RAD17: variants seen among roughly 807,000 people sequenced by gnomAD.
RAD17 encodes cell cycle checkpoint protein RAD17.
A neutral mutation model predicts 81.5 loss-of-function variants in RAD17; 31 were observed. The ratio of observed to expected loss-of-function variants is 0.38; its 90% confidence interval spans 0.29 to 0.51. The LOEUF is 0.51. Among genes scored for constraint, RAD17 ranks in the 20% least tolerant of loss-of-function variants. RAD17 has a pLI of 0.88. For missense variants in RAD17, 681 were observed against 781.2 expected (o/e 0.87, Z 1.53); for synonymous variants, 261 against 266.2 (o/e 0.98, Z 0.19).
chr5:69,393,620 T>TA, intron 15 of RAD17, 120 bp downstream of exon 15: 1 of 952,912 alleles, frequency 1.0e-6, no homozygotes, highest in Non-Finnish European at 1.5e-6. Flanking sequence ...TTCATAACTA[T>TA]GCTAAAGTTA....
chr5:69,370,014 C>G (rs1301027632), intron 1 of RAD17, 81 bp downstream of exon 1: 1 of 384,438 alleles, frequency 2.6e-6, no homozygotes, highest in Non-Finnish European at 4.7e-6. Context: ...CTTTCCTGGG[C>G]TCTCGTCGCT....
In RAD17 at chr5:69,396,516, C is replaced by T; in HGVS notation, c.1542C>T (p.His514=). The change falls in exon 16 of 19, where the codon CAC becomes CAT. Residue 514 remains histidine (H), a synonymous_variant. Transcript: ENST00000354868. The part of the protein sequence containing the change: ...QGGGSSFRPL[H]KPQWFLINKK... ...GAGGATCAAGTTTTCGACCCTTGCA[C>T]AAACCTCAGTGGTTTCTAATAAATA... 6.3e-7 allele frequency: 1 copy of T among 1,590,532 alleles called. No individual in the cohort carries two copies. The highest frequency in any genetic ancestry group is 1.4e-5 in the African/African-American group (1 of 69,914).
intron 17 of RAD17, 83 bp downstream of exon 17, chr5:69,400,252 C>G: frequency 1.1e-6 from 1 of 943,224 alleles, no homozygotes; most frequent in Non-Finnish European, 1.4e-6. Context: ...GGGGGAGTCT[C>G]TACTGTCCAG....
intron 17 of RAD17, among the ~76,000 whole-genome samples, chr5:69,404,310 A>G (rs1765452058): frequency 6.6e-6 from 1 of 152,238 alleles, no homozygotes; most frequent in South Asian, 2.1e-4. Context: ...ATGAAGAGCC[A>G]ACCTACATAA....
chr5:69,405,929 C>A (rs1765573916), intron 17 of RAD17, among the ~76,000 whole-genome samples: 1 of 151,884 alleles, frequency 6.6e-6, no homozygotes, highest in African/African-American at 2.4e-5. Context: ...GTAATCCCAG[C>A]TACCGTGGAG....
At chr5:69,406,074 T>C (rs1765585382) in intron 17 of RAD17, among the ~76,000 whole-genome samples, 1 of 150,836 alleles carries the variant, frequency 6.6e-6, no homozygotes, top group Non-Finnish European at 1.5e-5. Flanking sequence ...GAAGTCAGTA[T>C]GTTGAAGAGA....
intron 11 of RAD17, 49 bp downstream of exon 11, chr5:69,386,514 GC>G: frequency 6.7e-7 from 1 of 1,488,310 alleles, no homozygotes; most frequent in South Asian, 1.5e-5. Context: ...AGAAAGCCTA[GC>G]TTAAATAGTA....
intron 6 of RAD17, among the ~76,000 whole-genome samples, chr5:69,380,761 C>CT (rs1387597536): frequency 2.2e-4 from 32 of 148,290 alleles, no homozygotes; most frequent in African/African-American, 7.5e-4. Flanking sequence ...AAATATGTTT[C>CT]TTTTTTTTCC....
chr5:69,379,278 T>TA (rs1004899551), intron 6 of RAD17, among the ~76,000 whole-genome samples: 16 of 151,774 alleles, frequency 1.1e-4, no homozygotes, highest in African/African-American at 1.7e-4. Flanking sequence ...TTATAAAAGA[T>TA]AAAAAAAATG....
At chr5:69,381,051 G>A (rs1430607257) in intron 6 of RAD17, among the ~76,000 whole-genome samples, 1 of 151,972 alleles carries the variant, frequency 6.6e-6, no homozygotes, top group African/African-American at 2.4e-5. Flanking sequence ...TTACAGGTGT[G>A]AGCCGCCGTG....
At chr5:69,371,667 T>A in intron 3 of RAD17, 110 bp downstream of exon 3, 1 of 520,614 alleles carries the variant, frequency 1.9e-6, no homozygotes, top group Non-Finnish European at 3.0e-6. Context: ...GCCGAGTATC[T>A]ATTGTAATTA....
upstream of RAD17, chr5:69,369,373 T>G: frequency 6.8e-7 from 1 of 1,469,792 alleles, no homozygotes; most frequent in Non-Finnish European, 9.2e-7. Flanking sequence ...AAGAGGGCAG[T>G]GAGGGGCCCC....
chr5:69,374,716 C>CT lies in RAD17; in HGVS notation c.351+6dup, dbSNP rs1763231810. On this transcript the variant is annotated splice_donor_region_variant and intron_variant, in intron 6 of 18. Transcript: ENST00000354868. ...TTAGAAAGGCAACCAAAACAGGTAACTAAGAAATGTGTTTTTAAATATTTA... is the reference window on the plus strand; with the variant it reads ...TTAGAAAGGCAACCAAAACAGGTAACTTAAGAAATGTGTTTTTAAATATTTA... The CT allele has an allele frequency of 6.3e-7, 1 of 1,590,306 alleles. No individual in the cohort carries two copies. The highest frequency in any genetic ancestry group is 8.6e-7 in the Non-Finnish European group (1 of 1,164,142).
At chr5:69,384,755 A>G (rs777355121) in intron 7 of RAD17, 42 bp from the exon 8 acceptor site, 7 of 1,543,524 alleles carry the variant, frequency 4.5e-6, no homozygotes, top group African/African-American at 1.4e-5. Context: ...ATTAATGTAT[A>G]TCATTTGTTG....
intron 11 of RAD17, among the ~76,000 whole-genome samples, 160 bp from the exon 12 acceptor site, chr5:69,388,874 C>T (rs1764374761): frequency 1.3e-5 from 2 of 152,140 alleles, no homozygotes; most frequent in Admixed American, 6.5e-5. Context: ...TCCCAAATTG[C>T]TGAGATTATA....
rs1763158527 is a variant in RAD17, at chr5:69,373,703, TTTTTTTTTTTTTTA to T, written c.10-126_10-113del. The T allele has an allele frequency of 3.4e-5, 19 of 554,912 alleles. No individual in the cohort carries two copies. In the South Asian group the frequency reaches 5.5e-4, roughly 16 times the overall value. The allele number at this position is 554,912 out of a possible 1,614,324, so 34.4% of individuals were successfully genotyped here. On this transcript the variant is annotated intron_variant, in intron 4 of 18. Coordinates refer to ENST00000354868, the MANE Select transcript of RAD17 (RefSeq NM_133338.3). ...TCAAAAAAATTTTTTTTTTTTTTTT[TTTTTTTTTTTTTTA>T]AGTTTTAAAGGTTATAAATATATGA...
upstream of RAD17, chr5:69,369,294 C>T (rs954118188): frequency 2.6e-5 from 16 of 614,572 alleles, no homozygotes; most frequent in Non-Finnish European, 3.8e-5. Flanking sequence ...TCCCTCGCCT[C>T]CCGCAACGCC....
intron 6 of RAD17, among the ~76,000 whole-genome samples, chr5:69,375,801 C>T (rs745520044): frequency 3.3e-5 from 5 of 151,238 alleles, no homozygotes; most frequent in Non-Finnish European, 7.4e-5. Flanking sequence ...TAGGATCACA[C>T]GTTGCATTTG....
chr5:69,369,780 C>T, upstream of RAD17: 1 of 1,429,194 alleles, frequency 7.0e-7, no homozygotes, highest in Non-Finnish European at 9.6e-7. Flanking sequence ...CCCCGCCCTT[C>T]GCTTGCGCCG....
Sources: gnomAD v4.1 joint callset for allele counts (sites outside exome capture counted in the v4.1 genomes callset) on GRCh38, gnomAD v4.1.1 for gene constraint, MANE v1.5 for transcripts, NCBI Gene and HGNC (gene_info 2026-07-23, HGNC 2026-07-21) for gene names.